Variants in RUNX2 observed in about 807,000 individuals in gnomAD.
The protein encoded by RUNX2 is runt-related transcription factor 2.
RUNX2 carries 10 observed loss-of-function variants against 51.7 expected under a neutral mutation model. That is an observed-to-expected ratio of 0.19 (90% confidence interval 0.12 to 0.33). The LOEUF (loss-of-function observed/expected upper bound fraction) is 0.33, where lower values mean the gene tolerates loss of function less well. RUNX2 is among the 10% of genes least tolerant of loss of function. The pLI is 1.00. For missense variants in RUNX2, 562 were observed against 691.3 expected (o/e 0.81, Z 2.10); for synonymous variants, 276 against 273.6 (o/e 1.01, Z -0.09).
chr6:45,471,867 G>A (rs916300993), intron 5 of RUNX2, among the ~76,000 whole-genome samples: 7 of 152,054 alleles, frequency 4.6e-5, no homozygotes, highest in South Asian at 2.1e-4. Flanking sequence ...TCTATTAAGC[G>A]CTGAGTTTTT....
At position 45,328,897 on chromosome 6, in the gene RUNX2, T is replaced by C. The variant is rs1786903295; in HGVS notation, c.58+113T>C. On this transcript the variant is annotated intron_variant, in intron 2 of 8. Transcript: ENST00000647337. The stretch of plus-strand genomic sequence containing the variant: ...AATAGCATATTAAAGATCCTAATTA[T>C]GCTATCTTGTTGCATTAAGAATTGA... 1.9e-5 allele frequency: 21 copies of C among 1,107,964 alleles called. No individual in the cohort carries two copies. The South Asian group carries it at 1.9e-4, about 10-fold the overall frequency. 68.6% of individuals were successfully genotyped at this position (1,107,964 alleles called of 1,614,324 possible). A position where few individuals can be genotyped will look rare whatever the true frequency, so the allele number is the denominator to read the frequency against.
intron 2 of RUNX2, among the ~76,000 whole-genome samples, chr6:45,394,243 G>A (rs1797536350): frequency 6.6e-6 from 1 of 152,118 alleles, no homozygotes; most frequent in African/African-American, 2.4e-5. Context: ...TGAACTCAGA[G>A]TGAGAACTTA....
At chr6:45,455,919 TTA>T (rs1408179024) in intron 5 of RUNX2, among the ~76,000 whole-genome samples, 1 of 152,244 alleles carries the variant, frequency 6.6e-6, no homozygotes, top group Non-Finnish European at 1.5e-5. Context: ...AATCATACTT[TTA>T]GTTTTTGATA....
At chr6:45,492,224 A>G (rs1800503269) in intron 6 of RUNX2, 110 bp downstream of exon 6, 1 of 986,226 alleles carries the variant, frequency 1.0e-6, no homozygotes, top group South Asian at 1.4e-5. Context: ...GAAGCGGCTT[A>G]TTATTAAAGA....
intron 2 of RUNX2, among the ~76,000 whole-genome samples, chr6:45,341,566 T>C (rs760472391): frequency 5.9e-5 from 9 of 152,146 alleles, no homozygotes; most frequent in African/African-American, 9.7e-5. Context: ...ATTAGAAACA[T>C]CCACTGAAAA....
intron 2 of RUNX2, among the ~76,000 whole-genome samples, chr6:45,374,166 CTGAAA>C (rs1166842775): frequency 1.3e-5 from 2 of 152,122 alleles, no homozygotes; most frequent in African/African-American, 2.4e-5. Context: ...AATACCTTAA[CTGAAA>C]TGACAAAAGA....
chr6:45,373,739 G>T (rs1469922957), intron 2 of RUNX2, among the ~76,000 whole-genome samples: 1 of 152,110 alleles, frequency 6.6e-6, no homozygotes, highest in Non-Finnish European at 1.5e-5. Flanking sequence ...TTTTAGTAGA[G>T]ACGGGGTTTC....
chr6:45,478,137 A>C lies in RUNX2; in HGVS notation c.686-13804A>C, dbSNP rs1800008483. On this transcript the variant is annotated intron_variant, in intron 5 of 8. Transcript: ENST00000647337. ...GGAGCCCTTCCTGACTGCTCTTGAA[A>C]GTCAAGTATTTAATCTTTGGCTCCT... 2.0e-5 allele frequency among the ~76,000 whole-genome samples: 3 copies of C among 152,182 alleles called. No homozygotes were observed. In the South Asian group the frequency reaches 6.2e-4, roughly 31 times the overall value.
At chr6:45,444,130 G>A (rs748776673) in intron 5 of RUNX2, among the ~76,000 whole-genome samples, 23 of 152,216 alleles carry the variant, frequency 1.5e-4, no homozygotes, top group Non-Finnish European at 3.1e-4. Flanking sequence ...GATTACAGGC[G>A]TGAGCCACTG....
intron 7 of RUNX2, among the ~76,000 whole-genome samples, chr6:45,529,143 C>T (rs1801766109): frequency 6.6e-6 from 1 of 152,168 alleles, no homozygotes; most frequent in South Asian, 2.1e-4. Context: ...GATATGAACA[C>T]TTTTTCTTAT....
At chr6:45,343,146 A>G (rs1187392624) in intron 2 of RUNX2, among the ~76,000 whole-genome samples, 2 of 152,218 alleles carry the variant, frequency 1.3e-5, no homozygotes, top group Non-Finnish European at 2.9e-5. Context: ...AATCATCTTA[A>G]GTCTAAACTC....
chr6:45,442,752 G>T (rs896403278), intron 5 of RUNX2, among the ~76,000 whole-genome samples: 2 of 152,022 alleles, frequency 1.3e-5, no homozygotes, highest in African/African-American at 4.8e-5. Context: ...TTTTCTATTT[G>T]TCAGGCTTGG....
intron 5 of RUNX2, among the ~76,000 whole-genome samples, chr6:45,486,844 A>G (rs1320715502): frequency 6.6e-6 from 1 of 152,208 alleles, no homozygotes; most frequent in Non-Finnish European, 1.5e-5. Context: ...CATCACACAG[A>G]GTCAAGTTTA....
chr6:45,458,486 G>C (rs1156301725), intron 5 of RUNX2, among the ~76,000 whole-genome samples: 1 of 152,204 alleles, frequency 6.6e-6, no homozygotes, highest in African/African-American at 2.4e-5. Flanking sequence ...GGAATCAGCT[G>C]TGACAATTTT....
At chr6:45,541,615 C>T (rs1802231584) in intron 7 of RUNX2, among the ~76,000 whole-genome samples, 1 of 152,242 alleles carries the variant, frequency 6.6e-6, no homozygotes, top group South Asian at 2.1e-4. Context: ...CTGAGAAGTA[C>T]AATGGCTTTT....
At chr6:45,468,201 G>A (rs1016580462) in intron 5 of RUNX2, among the ~76,000 whole-genome samples, 3 of 152,084 alleles carry the variant, frequency 2.0e-5, no homozygotes, top group South Asian at 2.1e-4. Flanking sequence ...TTTTTGTAAC[G>A]AATACTCAAT....
intron 7 of RUNX2, among the ~76,000 whole-genome samples, chr6:45,526,340 G>A (rs1228078896): frequency 1.3e-5 from 2 of 152,122 alleles, no homozygotes; most frequent in Non-Finnish European, 2.9e-5. Context: ...ATGGTTTTAT[G>A]TAATTTATTT....
At chr6:45,406,223 C>A (rs1425782740) in intron 2 of RUNX2, among the ~76,000 whole-genome samples, 1 of 151,994 alleles carries the variant, frequency 6.6e-6, no homozygotes, top group Non-Finnish European at 1.5e-5. Flanking sequence ...TCACCTACCC[C>A]TATGATAAGG....
chr6:45,383,848 T>C (rs1797292479), intron 2 of RUNX2, among the ~76,000 whole-genome samples: 1 of 152,232 alleles, frequency 6.6e-6, no homozygotes, highest in Non-Finnish European at 1.5e-5. Context: ...AACCTGTTAT[T>C]CCTACTTCAC....
Sources: gnomAD v4.1 joint callset for allele counts (sites outside exome capture counted in the v4.1 genomes callset) on GRCh38, gnomAD v4.1.1 for gene constraint, MANE v1.5 for transcripts, NCBI Gene and HGNC (gene_info 2026-07-23, HGNC 2026-07-21) for gene names.